The following SCAPER variants were observed in gnomAD, a reference collection of about 807,000 sequenced individuals.
SCAPER encodes the protein S-phase cyclin A associated protein in the ER.
SCAPER carries 98 observed loss-of-function variants against 182.2 expected under a neutral mutation model. The ratio of observed to expected loss-of-function variants is 0.54; its 90% CI spans 0.46 to 0.64. The LOEUF (loss-of-function observed/expected upper bound fraction) is 0.64. Among genes scored for constraint, SCAPER ranks in the 30% least tolerant of loss-of-function variants. SCAPER has a pLI of 0.00. For synonymous variants in SCAPER, 605 were observed against 564.6 expected (o/e 1.07, Z -1.01); for missense variants, 1,432 against 1,690.0 (o/e 0.85, Z 2.68).
intron 2 of SCAPER, among the ~76,000 whole-genome samples, chr15:76,876,927 A>G (rs2073207118): frequency 6.6e-6 from 1 of 152,220 alleles, no homozygotes; most frequent in Non-Finnish European, 1.5e-5. Context: ...ATGCTCAAAG[A>G]ATAATATGGA....
intron 23 of SCAPER, among the ~76,000 whole-genome samples, chr15:76,522,099 C>T (rs566688225): frequency 4.6e-5 from 7 of 152,228 alleles, no homozygotes; most frequent in Non-Finnish European, 2.9e-5. Flanking sequence ...GTGATTTATA[C>T]GTTCCTATTC....
At chr15:76,378,672 A>G (rs1166571869) in intron 28 of SCAPER, among the ~76,000 whole-genome samples, 1 of 152,210 alleles carries the variant, frequency 6.6e-6, no homozygotes, top group Non-Finnish European at 1.5e-5. Context: ...GATTCAACCA[A>G]TAAAGTATGG....
rs372978498 is a variant in SCAPER, at chr15:76,608,685, C to T, written c.2711+13079G>A. Reference sequence around the variant, plus strand: ...CTCTACCCAGTTCGAGATTCCCGGCCGCTTTGTTTACCTAATCAAACAACT... The same window carrying T: ...CTCTACCCAGTTCGAGATTCCCGGCTGCTTTGTTTACCTAATCAAACAACT... On this transcript the variant is annotated intron_variant, in intron 22 of 31. Transcript: ENST00000563290. 7.9e-5 allele frequency among the ~76,000 whole-genome samples: 12 copies of T among 152,316 alleles called. No homozygotes were observed. The East Asian group carries it at 1.7e-3, about 22-fold the overall frequency.
At chr15:76,647,900 CAAACAAAGTTTAA>C (rs1239581570) in intron 21 of SCAPER, among the ~76,000 whole-genome samples, 2 of 152,044 alleles carry the variant, frequency 1.3e-5, no homozygotes, top group African/African-American at 4.8e-5. Context: ...TACTCTATGT[CAAACAAAGTTTAA>C]AACCGTATTT....
intron 23 of SCAPER, among the ~76,000 whole-genome samples, chr15:76,552,632 C>A (rs961776648): frequency 6.6e-6 from 1 of 152,136 alleles, no homozygotes; most frequent in Admixed American, 6.5e-5. Context: ...CCTGAGTTGG[C>A]AGGGACAGCT....
intron 2 of SCAPER, among the ~76,000 whole-genome samples, chr15:76,867,746 A>G (rs897048242): frequency 3.3e-5 from 5 of 152,226 alleles, no homozygotes; most frequent in South Asian, 4.1e-4. Context: ...CTAAATTACT[A>G]ATACTGTATC....
At chr15:76,864,308 T>A (rs2072104926) in intron 2 of SCAPER, among the ~76,000 whole-genome samples, 1 of 152,228 alleles carries the variant, frequency 6.6e-6, no homozygotes, top group Admixed American at 6.5e-5. Context: ...TATTTACTTA[T>A]CTGTTCAATT....
chr15:76,605,654 G>C (rs1164269052), intron 22 of SCAPER, among the ~76,000 whole-genome samples: 1 of 151,998 alleles, frequency 6.6e-6, no homozygotes, highest in African/African-American at 2.4e-5. Flanking sequence ...ATCTAGTCCT[G>C]GACTTTCTTT....
intron 1 of SCAPER, among the ~76,000 whole-genome samples, chr15:76,887,068 G>A (rs1362811130): frequency 4.6e-5 from 7 of 152,022 alleles, no homozygotes; most frequent in Admixed American, 1.3e-4. Flanking sequence ...TGAATACTTA[G>A]GTAATGAAAT....
intron 23 of SCAPER, among the ~76,000 whole-genome samples, chr15:76,541,391 A>G (rs948074155): frequency 1.3e-5 from 2 of 152,324 alleles, no homozygotes; most frequent in African/African-American, 4.8e-5. Context: ...CAATTCAAAC[A>G]TATTGGAGAC....
chr15:76,795,709 C>T (rs78476698), intron 7 of SCAPER, among the ~76,000 whole-genome samples: 2,360 of 152,128 alleles, frequency 0.016, 62 homozygotes, highest in African/African-American at 0.055. Context: ...AATGAGGAAG[C>T]TTTTAAAAAA....
intron 2 of SCAPER, among the ~76,000 whole-genome samples, chr15:76,872,538 G>A (rs1183916611): frequency 6.6e-6 from 1 of 151,930 alleles, no homozygotes; most frequent in East Asian, 1.9e-4. Context: ...TCAGTAAACA[G>A]TGGAGCACCT....
chr15:76,472,272 G>A (rs1448416641), intron 24 of SCAPER: 4 of 602,318 alleles, frequency 6.6e-6, no homozygotes, highest in Non-Finnish European at 1.3e-5. Context: ...AAAGGAAAAT[G>A]CTGACACTGG....
intron 21 of SCAPER, among the ~76,000 whole-genome samples, chr15:76,654,635 A>T (rs887855899): frequency 6.6e-6 from 1 of 152,190 alleles, no homozygotes; most frequent in Non-Finnish European, 1.5e-5. Flanking sequence ...CCCCAAATAA[A>T]ATAATCATTC....
In SCAPER at chr15:76,857,820, T is replaced by C. The variant is rs1176745368; in HGVS notation, c.184A>G (p.Thr62Ala). 6.5e-7 allele frequency: 1 copy of C among 1,542,858 alleles called. No individual in the cohort carries two copies. The highest frequency in any genetic ancestry group is 8.8e-7 in the Non-Finnish European group (1 of 1,142,440). Residue 62 changes from threonine (T) to alanine (A), a missense_variant, in exon 4 of 32, where the codon ACT becomes GCT. Physicochemically the swap from Thr to Ala is moderately conservative, Grantham distance 58. This residue lies in a region of SCAPER where 480 missense variants were observed against 510.2 expected (regional missense o/e 0.94). Transcript: ENST00000563290. ...SKRTIQGTHK[T>A]TKQSTAVDCK... The stretch of plus-strand genomic sequence containing the variant: ...TATAGATGCTGTACCTGTTTAGTAG[T>C]TTTATGAGTGCCTTGAATGGTCCTC...
chr15:76,404,683 G>C lies in SCAPER; in HGVS notation c.3312-4C>G, dbSNP rs369765744. ...CAGACCCATGTTCACCACGTAGCTAGATATGGGGGAGAAATGCATGTTATC... is the reference window on the plus strand; with the variant it reads ...CAGACCCATGTTCACCACGTAGCTACATATGGGGGAGAAATGCATGTTATC... On this transcript the variant is annotated splice_region_variant and splice_polypyrimidine_tract_variant and intron_variant, in intron 26 of 31. Transcript: ENST00000563290. 1.9e-4 allele frequency: 306 copies of C among 1,607,904 alleles called. No individual in the cohort carries two copies. Among genetic ancestry groups the C allele is most frequent in the Middle Eastern group, 1.7e-4 (1 of 6,052 alleles).
chr15:76,716,117 C>A (rs2059875630), intron 17 of SCAPER, among the ~76,000 whole-genome samples: 1 of 152,158 alleles, frequency 6.6e-6, no homozygotes, highest in South Asian at 2.1e-4. Context: ...CCCCTACAAC[C>A]TTTGCCCTAA....
chr15:76,507,407 A>T (rs2041675912), intron 23 of SCAPER, among the ~76,000 whole-genome samples: 1 of 152,156 alleles, frequency 6.6e-6, no homozygotes, highest in Non-Finnish European at 1.5e-5. Flanking sequence ...AGTCTGTGGC[A>T]CTTTCTTATG....
In SCAPER at chr15:76,370,481, T is replaced by G. The variant is rs1356655865; in HGVS notation, c.3855+5681A>C. On this transcript the variant is annotated intron_variant, in intron 29 of 31. Coordinates refer to ENST00000563290, the MANE Select transcript of SCAPER (RefSeq NM_020843.4). ...TACAGCACCTGACTGATTTTTGTAT[T>G]TTTAGTAGAGATGGGGTTTTGCCAT... Among the ~76,000 whole-genome samples the G allele has an allele frequency of 2.0e-5, 3 of 151,958 alleles. No individual in the cohort carries two copies. The East Asian group carries it at 5.8e-4, about 29-fold the overall frequency.
Sources: gnomAD v4.1 joint callset for allele counts (sites outside exome capture counted in the v4.1 genomes callset) on GRCh38, gnomAD v4.1.1 for gene constraint, gnomAD v4.1.1 regional missense constraint, MANE v1.5 for transcripts, NCBI Gene and HGNC (gene_info 2026-07-23, HGNC 2026-07-21) for gene names.